Variants in PCNP observed in about 807,000 individuals in gnomAD.
PCNP encodes the protein PEST proteolytic signal-containing nuclear protein.
A neutral mutation model predicts 21.8 loss-of-function variants in PCNP; 6 were observed. The observed-to-expected ratio is 0.28, with a 90% CI of 0.15 to 0.54. The LOEUF (loss-of-function observed/expected upper bound fraction) is 0.54, where lower values mean the gene tolerates loss of function less well. Among genes scored for constraint, PCNP ranks in the 20% least tolerant of loss-of-function variants. The pLI is 0.95. For synonymous variants in PCNP, 67 were observed against 73.2 expected (o/e 0.92, Z 0.43); for missense variants, 161 against 215.5 (o/e 0.75, Z 1.58).
At chr3:101,583,029 G>A (rs1192413337) in intron 2 of PCNP, among the ~76,000 whole-genome samples, 1 of 152,168 alleles carries the variant, frequency 6.6e-6, no homozygotes, top group Non-Finnish European at 1.5e-5. Context: ...GTGGGAAGAG[G>A]ATGCAGAAAG....
chr3:101,578,268 T>A (rs921619893), intron 1 of PCNP, among the ~76,000 whole-genome samples: 1 of 152,226 alleles, frequency 6.6e-6, no homozygotes, highest in African/African-American at 2.4e-5. Context: ...TGATTAGAGC[T>A]ACAAATAGAA....
intron 1 of PCNP, among the ~76,000 whole-genome samples, chr3:101,574,537 G>A (rs1310157323): frequency 1.3e-5 from 2 of 152,214 alleles, no homozygotes; most frequent in Non-Finnish European, 2.9e-5. Flanking sequence ...CGAGGAGAAG[G>A]GAGATGGGCG....
At chr3:101,574,614 C>T (rs1934757641) in intron 1 of PCNP, among the ~76,000 whole-genome samples, 1 of 152,154 alleles carries the variant, frequency 6.6e-6, no homozygotes, top group Admixed American at 6.5e-5. Flanking sequence ...ACCGCCACAC[C>T]GGAGACGCAC....
chr3:101,593,444 A>G lies in PCNP; in HGVS notation c.*691A>G, dbSNP rs1269602766. On this transcript the variant is annotated 3_prime_UTR_variant, in exon 5 of 5. Transcript: ENST00000265260. ...GAAAAACCATTTGCTACCAAAGTAA[A>G]TCAGTATTTTGAATGTGCTTCTCTT... 1 of 152,604 alleles carries G rather than the reference A, an allele frequency of 6.6e-6. No individual in the cohort carries two copies. The highest frequency in any genetic ancestry group is 2.4e-5 in the African/African-American group (1 of 41,442). The allele number at this position is 152,604 out of a possible 1,614,324, so 9.5% of individuals were successfully genotyped here. A position where few individuals can be genotyped will look rare whatever the true frequency, so the allele number is the denominator to read the frequency against.
At position 101,585,516 on chromosome 3, in the gene PCNP, G is replaced by A; in HGVS notation, c.354+5G>A. Reference sequence around the variant, plus strand: ...GCTTTTAATGAAGATGAAGATGTAAGTTGATATCGAGTTTTGTTTTTTTAC... The same window carrying A: ...GCTTTTAATGAAGATGAAGATGTAAATTGATATCGAGTTTTGTTTTTTTAC... On this transcript the variant is annotated splice_donor_5th_base_variant and intron_variant, in intron 3 of 4. Transcript: ENST00000265260. 1 of 1,594,018 alleles carries A rather than the reference G, an allele frequency of 6.3e-7. No homozygotes were observed.
intron 4 of PCNP, among the ~76,000 whole-genome samples, chr3:101,590,749 A>G (rs7637805): frequency 0.14 from 21,595 of 151,522 alleles, 1,597 homozygotes; most frequent in South Asian, 0.2. Context: ...AGGTCTCGCT[A>G]TGTTGCCCAG....
In PCNP at chr3:101,590,223, A is replaced by G. The variant is rs756870334; in HGVS notation, c.363A>G (p.Pro121=). 1.9e-6 allele frequency: 3 copies of G among 1,564,620 alleles called. No individual in the cohort carries two copies. Among genetic ancestry groups the G allele is most frequent in the Non-Finnish European group, 2.6e-6 (3 of 1,135,800 alleles). The change falls in exon 4 of 5, where the codon CCA becomes CCG. Residue 121 remains proline (P), a synonymous_variant. Transcript: ENST00000265260. Reference sequence around the variant, plus strand: ...CTTACTTTTTTCTTTAGAGTGAACCAGAGGAAATGCCTCCAGAAGCAAAGA... The same window carrying G: ...CTTACTTTTTTCTTTAGAGTGAACCGGAGGAAATGCCTCCAGAAGCAAAGA... ...AAFNEDEDSE[P]EEMPPEAKMR... is the part of the protein sequence containing the mutation.
chr3:101,584,724 C>T (rs1412787822), intron 2 of PCNP, among the ~76,000 whole-genome samples: 3 of 152,166 alleles, frequency 2.0e-5, no homozygotes, highest in African/African-American at 7.2e-5. Flanking sequence ...ACCACCACAC[C>T]TGGCTGATTT....
chr3:101,577,016 G>A lies in PCNP; in HGVS notation c.64+2737G>A, dbSNP rs1042322439. 19 of 800,566 alleles carry A rather than the reference G, an allele frequency of 2.4e-5. No homozygotes were observed. The African/African-American group carries it at 2.5e-4, about 11-fold the overall frequency. 49.6% of individuals were successfully genotyped at this position (800,566 alleles called of 1,614,324 possible). On this transcript the variant is annotated intron_variant, in intron 1 of 4. Coordinates refer to ENST00000265260, the MANE Select transcript of PCNP (RefSeq NM_020357.3). ...CAATTTTTGTATTTTTAGTAGAGAC[G>A]AGATTTCACCATGTTGGCTAGAATG...
rs1173148404 is a variant in PCNP at position 101,574,256 on chromosome 3, C to T, written c.41C>T (p.Ser14Leu). The part of the protein sequence containing the change: ...GKAGDEKPEK[S>L]QRAGAAGGPE... Reference sequence around the variant, plus strand: ...GCGGGAGACGAGAAGCCTGAAAAGTCGCAGCGAGCTGGAGCCGCCGGAGGT... The same window carrying T: ...GCGGGAGACGAGAAGCCTGAAAAGTTGCAGCGAGCTGGAGCCGCCGGAGGT... Residue 14 changes from serine (S) to leucine (L), a missense_variant, in exon 1 of 5, where the codon TCG (serine) becomes TTG (leucine). Physicochemically the swap from Ser to Leu is moderately radical, Grantham distance 145 (BLOSUM62 -2). Around this residue, in one of 4 missense-constraint regions of PCNP, gnomAD observed 43 missense variants for 26.6 expected, o/e 1.62. Coordinates refer to ENST00000265260, the MANE Select transcript of PCNP (RefSeq NM_020357.3). 12 of 1,547,392 alleles carry T rather than the reference C, an allele frequency of 7.8e-6. No individual in the cohort carries two copies. Among genetic ancestry groups the T allele is most frequent in the Admixed American group, 2.0e-5 (1 of 50,550 alleles).
intron 2 of PCNP, 136 bp downstream of exon 2, chr3:101,580,140 T>C (rs184590439): frequency 1.5e-6 from 1 of 648,784 alleles, no homozygotes; most frequent in African/African-American, 1.8e-5. Flanking sequence ...CGTATGAACT[T>C]AGATGATTAG....
At chr3:101,579,742 T>G in intron 1 of PCNP, 48 bp from the exon 2 acceptor site, 1 of 1,310,750 alleles carries the variant, frequency 7.6e-7, no homozygotes, top group Non-Finnish European at 1.1e-6. Flanking sequence ...CCCATCAATC[T>G]GCTCAGTAAA....
chr3:101,591,916 C>T (rs548788812), intron 4 of PCNP, among the ~76,000 whole-genome samples: 5 of 151,674 alleles, frequency 3.3e-5, no homozygotes, highest in African/African-American at 9.7e-5. Flanking sequence ...GAGCCACAGG[C>T]GCACACCAGC....
At chr3:101,577,802 G>A (rs1013502474) in intron 1 of PCNP, among the ~76,000 whole-genome samples, 1 of 152,118 alleles carries the variant, frequency 6.6e-6, no homozygotes. Flanking sequence ...GGGATTACAC[G>A]TGTGAGCCAC....
intron 2 of PCNP, among the ~76,000 whole-genome samples, chr3:101,581,050 A>AAG (rs1935194710): frequency 1.3e-5 from 2 of 152,230 alleles, no homozygotes; most frequent in Non-Finnish European, 2.9e-5. Flanking sequence ...TGGAGCAGTC[A>AAG]GTATATTTGG....
chr3:101,576,820 A>G (rs1339911245), intron 1 of PCNP: 14 of 1,610,030 alleles, frequency 8.7e-6, no homozygotes, highest in Non-Finnish European at 1.0e-5. Context: ...CCTCAACACC[A>G]CATGAGCATA....
Position 101,579,998 on chromosome 3 carries a change from A to G in PCNP, c.273A>G (p.Gly91=). 1 of 1,609,820 alleles carries G rather than the reference A, an allele frequency of 6.2e-7. No individual in the cohort carries two copies. Among genetic ancestry groups the G allele is most frequent in the Non-Finnish European group, 8.5e-7 (1 of 1,176,066 alleles). Residue 91 remains glycine, a synonymous_variant, in exon 2 of 5, where the codon GGA becomes GGG. Transcript: ENST00000265260. The part of the protein sequence containing the change: ...KKASAISIKL[G]SSKPKETVPT... ...CATCAGCCATATCCATCAAACTTGGATCAAGTGTGAGTTGTTATTTCATAT... is the reference window on the plus strand; with the variant it reads ...CATCAGCCATATCCATCAAACTTGGGTCAAGTGTGAGTTGTTATTTCATAT...
chr3:101,582,765 T>G (rs1935291770), intron 2 of PCNP, among the ~76,000 whole-genome samples: 1 of 152,238 alleles, frequency 6.6e-6, no homozygotes, highest in Non-Finnish European at 1.5e-5. Context: ...GATGAAGTGA[T>G]CTTTGAGTTG....
chr3:101,589,983 A>C (rs1166081833), intron 3 of PCNP: 2 of 471,996 alleles, frequency 4.2e-6, no homozygotes. Context: ...TTAGTTCTAG[A>C]ATGTTTGTTT....
Sources: allele counts gnomAD v4.1 joint callset (sites outside exome capture counted in the v4.1 genomes callset), GRCh38; gene constraint gnomAD v4.1.1; regional missense constraint gnomAD v4.1.1; transcripts MANE v1.5; gene names NCBI Gene and HGNC (gene_info 2026-07-23, HGNC 2026-07-21).